The following TENM4 variants were observed in gnomAD, a reference collection of about 807,000 sequenced individuals.
The protein encoded by TENM4 is teneurin-4.
Under a neutral mutation model 243.3 loss-of-function variants are expected in TENM4, and 82 were observed. That is an observed-to-expected ratio of 0.34 (90% CI 0.28 to 0.40). TENM4 has a LOEUF of 0.40. Among genes scored for constraint, TENM4 ranks in the 10% least tolerant of loss-of-function variants. The pLI is 1.00. For missense variants in TENM4, 3,138 were observed against 3,673.3 expected, an observed-to-expected ratio of 0.85 and a Z score of 3.77; for synonymous variants, 1,412 against 1,456.3, an observed-to-expected ratio of 0.97 and a Z score of 0.69.
chr11:79,009,552 G>T lies in TENM4; in HGVS notation c.493+55186C>A, dbSNP rs142124453. Among the ~76,000 whole-genome samples the T allele has an allele frequency of 1.1e-3, 160 of 152,294 alleles. 1 individual carries two copies. Among genetic ancestry groups the T allele is most frequent in the African/African-American group, 3.7e-3 (152 of 41,568 alleles). ...GTTTGGCCCAACACCTGAGATTCAG[G>T]TTCTTTAATTCTACAGAGCATTATG... On this transcript the variant is annotated intron_variant, in intron 6 of 33. Coordinates refer to ENST00000278550, the MANE Select transcript of TENM4 (RefSeq NM_001098816.3).
At chr11:79,319,278 C>A (rs1856849925) in intron 1 of TENM4, among the ~76,000 whole-genome samples, 1 of 152,096 alleles carries the variant, frequency 6.6e-6, no homozygotes, top group Non-Finnish European at 1.5e-5. Flanking sequence ...GTTCATGTAC[C>A]TCCATTATCC....
intron 2 of TENM4, among the ~76,000 whole-genome samples, chr11:79,276,781 C>T (rs1856063991): frequency 6.6e-6 from 1 of 152,092 alleles, no homozygotes; most frequent in African/African-American, 2.4e-5. Flanking sequence ...TGCAGCCTCC[C>T]CTCTCCCTCC....
At chr11:79,281,295 G>T (rs988830597) in intron 2 of TENM4, among the ~76,000 whole-genome samples, 1 of 152,172 alleles carries the variant, frequency 6.6e-6, no homozygotes, top group Admixed American at 6.5e-5. Flanking sequence ...GACTCAGAAA[G>T]TTCACTGATT....
Position 79,170,530 on chromosome 11 carries a change from A to G in TENM4, c.-162-21724T>C, listed in dbSNP as rs73506689. Among the ~76,000 whole-genome samples the G allele has an allele frequency of 5.1e-3, 782 of 152,322 alleles. 5 individuals carry two copies. Among genetic ancestry groups the G allele is most frequent in the African/African-American group, 0.017 (695 of 41,578 alleles). ...TGAAGTAGGGCAGGCCCCTAATCCA[A>G]TATGACTCGTGTTCTCCTAAGCAGT... On this transcript the variant is annotated intron_variant, in intron 3 of 33. Coordinates refer to ENST00000278550, the MANE Select transcript of TENM4 (RefSeq NM_001098816.3).
At chr11:79,380,601 A>C (rs1857981915) in intron 1 of TENM4, among the ~76,000 whole-genome samples, 1 of 152,202 alleles carries the variant, frequency 6.6e-6, no homozygotes. Flanking sequence ...TAGCTTCTTT[A>C]CTGCAGGACT....
At chr11:79,026,410 G>A (rs576551364) in intron 6 of TENM4, among the ~76,000 whole-genome samples, 4 of 152,244 alleles carry the variant, frequency 2.6e-5, no homozygotes, top group African/African-American at 7.2e-5. Context: ...CCAAGGAAGC[G>A]AGTGGAAGGA....
chr11:78,811,860 T>C (rs1857508335), intron 14 of TENM4, among the ~76,000 whole-genome samples: 1 of 152,246 alleles, frequency 6.6e-6, no homozygotes, highest in Admixed American at 6.5e-5. Flanking sequence ...TTGAATTACA[T>C]GACTCGAGGC....
chr11:79,225,662 A>G (rs57042962), intron 2 of TENM4, among the ~76,000 whole-genome samples: 3,155 of 152,232 alleles, frequency 0.021, 103 homozygotes, highest in African/African-American at 0.071. Context: ...TAGTTTTAGT[A>G]GAGATGAGGT....
intron 6 of TENM4, among the ~76,000 whole-genome samples, chr11:78,907,945 G>A (rs144088445): frequency 2.0e-5 from 3 of 152,176 alleles, no homozygotes; most frequent in Non-Finnish European, 2.9e-5. Flanking sequence ...GCCAGTAAAG[G>A]TCACTTGCTT....
At chr11:79,265,379 G>C (rs769907899) in intron 2 of TENM4, among the ~76,000 whole-genome samples, 2 of 152,222 alleles carry the variant, frequency 1.3e-5, no homozygotes, top group Non-Finnish European at 2.9e-5. Context: ...TGGCTATGGA[G>C]CCCTTGAAAC....
Position 79,311,491 on chromosome 11 carries a change from C to A in TENM4, c.-320-13948G>T, listed in dbSNP as rs534930861. ...ACAGCGGATGTGCTACTTGTTTCCTCAGGCTTTGCCTCCATCGTACTTTGT... is the reference window on the plus strand; with the variant it reads ...ACAGCGGATGTGCTACTTGTTTCCTAAGGCTTTGCCTCCATCGTACTTTGT... On this transcript the variant is annotated intron_variant, in intron 1 of 33. Transcript: ENST00000278550. 2.0e-5 allele frequency among the ~76,000 whole-genome samples: 3 copies of A among 152,344 alleles called. No individual in the cohort carries two copies. The South Asian group carries it at 6.2e-4, about 32-fold the overall frequency.
chr11:79,038,054 G>T (rs771880135), intron 6 of TENM4, among the ~76,000 whole-genome samples: 1 of 152,146 alleles, frequency 6.6e-6, no homozygotes, highest in Admixed American at 6.5e-5. Flanking sequence ...CTACCCAGAG[G>T]TCCTGCAAAG....
rs376674664 is a variant in TENM4 at position 79,264,121 on chromosome 11, G to A, written c.-265+33367C>T. Among the ~76,000 whole-genome samples the A allele has an allele frequency of 5.9e-5, 9 of 152,268 alleles. No individual in the cohort carries two copies. In the East Asian group the frequency reaches 1.7e-3, roughly 30 times the overall value. ...CTGCAAGCGCCGTTTTGCTGATGCT[G>A]ACCATTGCTCTTACTTATCAGTGTC... On this transcript the variant is annotated intron_variant, in intron 2 of 33. Coordinates refer to ENST00000278550, the MANE Select transcript of TENM4 (RefSeq NM_001098816.3).
chr11:78,923,253 G>C (rs1470251818), intron 6 of TENM4, among the ~76,000 whole-genome samples: 1 of 152,104 alleles, frequency 6.6e-6, no homozygotes, highest in Non-Finnish European at 1.5e-5. Context: ...TTTGAACCAA[G>C]GGCCCTGTAT....
At chr11:79,247,710 C>G (rs905398428) in intron 2 of TENM4, among the ~76,000 whole-genome samples, 1 of 152,230 alleles carries the variant, frequency 6.6e-6, no homozygotes, top group Non-Finnish European at 1.5e-5. Flanking sequence ...GCATTTTACC[C>G]ATGTCTGTCC....
At chr11:78,736,754 T>C (rs1855807553) in intron 20 of TENM4, among the ~76,000 whole-genome samples, 1 of 152,228 alleles carries the variant, frequency 6.6e-6, no homozygotes, top group Admixed American at 6.5e-5. Context: ...AACTTTCCCA[T>C]ACATTATGCA....
chr11:78,950,716 G>A (rs1262883027), intron 6 of TENM4, among the ~76,000 whole-genome samples: 5 of 152,136 alleles, frequency 3.3e-5, no homozygotes, highest in Non-Finnish European at 5.9e-5. Context: ...ATTTCACATT[G>A]AATTCTAATA....
At chr11:79,345,543 T>C (rs1375261611) in intron 1 of TENM4, among the ~76,000 whole-genome samples, 1 of 152,208 alleles carries the variant, frequency 6.6e-6, no homozygotes, top group African/African-American at 2.4e-5. Context: ...CTCTCACTTA[T>C]GGGGTAGTTT....
chr11:79,135,835 A>G (rs896317261), intron 4 of TENM4, among the ~76,000 whole-genome samples: 2 of 149,398 alleles, frequency 1.3e-5, no homozygotes, highest in Non-Finnish European at 3.0e-5. Flanking sequence ...TATATCATAT[A>G]TATGATGGAA....
Sources: allele counts gnomAD v4.1 joint callset (sites outside exome capture counted in the v4.1 genomes callset), GRCh38; gene constraint gnomAD v4.1.1; transcripts MANE v1.5; gene names NCBI Gene and HGNC (gene_info 2026-07-23, HGNC 2026-07-21).